The following KCNJ6 variants were observed in gnomAD, a reference collection of about 807,000 sequenced individuals.
The protein encoded by KCNJ6 is G protein-activated inward rectifier potassium channel 2.
A neutral mutation model predicts 34.2 loss-of-function variants in KCNJ6; 9 were observed. That is an observed-to-expected ratio of 0.26 (90% CI 0.16 to 0.46). KCNJ6 has a LOEUF of 0.46. Ranked by LOEUF, KCNJ6 falls within the 20% of genes least tolerant of loss-of-function variation. The pLI, the probability that KCNJ6 is intolerant of heterozygous loss-of-function variation, is 1.00. For missense variants in KCNJ6, 236 were observed against 531.3 expected (o/e 0.44, Z 5.46); for synonymous variants, 196 against 207.1 (o/e 0.95, Z 0.46).
chr21:37,749,585 A>T (rs1349406095), intron 2 of KCNJ6, among the ~76,000 whole-genome samples: 1 of 152,168 alleles, frequency 6.6e-6, no homozygotes, highest in Non-Finnish European at 1.5e-5. Context: ...CCTTTCCAAG[A>T]GGATTTAGAC....
chr21:37,902,015 G>A (rs935835738), intron 1 of KCNJ6, among the ~76,000 whole-genome samples: 1 of 152,088 alleles, frequency 6.6e-6, no homozygotes, highest in Admixed American at 6.6e-5. Context: ...TCATCTAATA[G>A]AGCTCAGTGT....
At chr21:37,629,241 T>C (rs1378579835) in intron 3 of KCNJ6, among the ~76,000 whole-genome samples, 1 of 152,226 alleles carries the variant, frequency 6.6e-6, no homozygotes, top group Non-Finnish European at 1.5e-5. Context: ...ATGGCAATTA[T>C]ACTATTCCAT....
At chr21:37,790,209 G>C (rs575080171) in intron 2 of KCNJ6, among the ~76,000 whole-genome samples, 1 of 152,242 alleles carries the variant, frequency 6.6e-6, no homozygotes, top group Admixed American at 6.5e-5. Context: ...TGGGGCACAG[G>C]GTTGCAACAC....
At chr21:37,656,814 G>C (rs886929820) in intron 3 of KCNJ6, among the ~76,000 whole-genome samples, 1 of 152,196 alleles carries the variant, frequency 6.6e-6, no homozygotes, top group Admixed American at 6.5e-5. Flanking sequence ...AGGGGAGGCT[G>C]CTTTTGTTTA....
chr21:37,671,201 G>T (rs1050652781), intron 3 of KCNJ6, among the ~76,000 whole-genome samples: 3 of 152,082 alleles, frequency 2.0e-5, no homozygotes, highest in Admixed American at 1.3e-4. Flanking sequence ...TGAGACTTTC[G>T]GTCCCACCCC....
intron 3 of KCNJ6, among the ~76,000 whole-genome samples, chr21:37,647,059 T>A (rs1299891866): frequency 1.3e-5 from 2 of 152,128 alleles, no homozygotes; most frequent in African/African-American, 4.8e-5. Flanking sequence ...CGGGGAGGGA[T>A]GGAGCCCTTT....
chr21:37,766,303 C>T (rs1381549597), intron 2 of KCNJ6, among the ~76,000 whole-genome samples: 1 of 152,150 alleles, frequency 6.6e-6, no homozygotes, highest in Non-Finnish European at 1.5e-5. Context: ...ATATCCACTC[C>T]AGAGTCCTGT....
Position 37,667,186 on chromosome 21 carries a change from T to TAAAAAAA in KCNJ6, c.947-41703_947-41702insTTTTTTT, listed in dbSNP as rs1569441641. On this transcript the variant is annotated intron_variant, in intron 3 of 3. Transcript: ENST00000609713. Reference sequence around the variant, plus strand: ...AAAAAAAAAAAAAAAAAAAAAAAATTAAATGAGGCAACGCAGGCAAAGTGT... The same window carrying TAAAAAAA: ...AAAAAAAAAAAAAAAAAAAAAAAATTAAAAAAAAAATGAGGCAACGCAGGCAAAGTGT... Among the ~76,000 whole-genome samples the TAAAAAAA allele has an allele frequency of 5.5e-3, 472 of 86,556 alleles. 2 individuals are homozygous for TAAAAAAA. The highest frequency in any genetic ancestry group is 6.6e-3 in the Non-Finnish European group (300 of 45,318). 56.8% of individuals were successfully genotyped at this position (86,556 alleles called of 152,430 possible). A position where few individuals can be genotyped will look rare whatever the true frequency, so the allele number is the denominator to read the frequency against.
At chr21:37,800,090 C>T (rs2055262008) in intron 2 of KCNJ6, among the ~76,000 whole-genome samples, 1 of 152,144 alleles carries the variant, frequency 6.6e-6, no homozygotes. Flanking sequence ...CTATAATTCT[C>T]AGCTAAAGTC....
intron 2 of KCNJ6, among the ~76,000 whole-genome samples, chr21:37,772,064 T>G (rs2055120286): frequency 6.6e-6 from 1 of 152,194 alleles, no homozygotes; most frequent in Non-Finnish European, 1.5e-5. Flanking sequence ...TAAATAAAAT[T>G]ATCTCATCTG....
At chr21:37,867,376 T>C (rs986595313) in intron 1 of KCNJ6, among the ~76,000 whole-genome samples, 2 of 152,188 alleles carry the variant, frequency 1.3e-5, no homozygotes, top group African/African-American at 4.8e-5. Context: ...GAAAGCCCCA[T>C]GCAGCCAAGC....
At chr21:37,834,077 C>CAGG (rs906184839) in intron 2 of KCNJ6, among the ~76,000 whole-genome samples, 2 of 152,308 alleles carry the variant, frequency 1.3e-5, no homozygotes, top group African/African-American at 4.8e-5. Context: ...CAGAGCCTCT[C>CAGG]AGCTCATGTG....
At chr21:37,891,093 G>A (rs919024614) in intron 1 of KCNJ6, among the ~76,000 whole-genome samples, 1 of 152,202 alleles carries the variant, frequency 6.6e-6, no homozygotes, top group Non-Finnish European at 1.5e-5. Context: ...TCAGAAAGGT[G>A]AGTGACAGAA....
Position 37,615,244 on chromosome 21 carries a change from C to CTTTTTTTTTTTTTTTTT in KCNJ6, c.*9898_*9914dup, listed in dbSNP as rs1156939747. 2 of 98,890 alleles carry CTTTTTTTTTTTTTTTTT rather than the reference C, an allele frequency of 2.0e-5. No homozygotes were observed. The highest frequency in any genetic ancestry group is 7.9e-5 in the African/African-American group (2 of 25,164). 6.1% of individuals were successfully genotyped at this position (98,890 alleles called of 1,614,324 possible). On this transcript the variant is annotated 3_prime_UTR_variant, in exon 4 of 4. Coordinates refer to ENST00000609713, the MANE Select transcript of KCNJ6 (RefSeq NM_002240.5). ...ACCCTCGACTGACATTCCCAGCATT[C>CTTTTTTTTTTTTTTTTT]TTTTTTTTTTTTTTTTTTTTTTTTT...
At chr21:37,732,444 G>A (rs2123469001) in intron 2 of KCNJ6, among the ~76,000 whole-genome samples, 1 of 152,360 alleles carries the variant, frequency 6.6e-6, no homozygotes, top group South Asian at 2.1e-4. Context: ...TAAGACACAA[G>A]TCGCCCTCTC....
chr21:37,810,077 T>C (rs1376285465), intron 2 of KCNJ6, among the ~76,000 whole-genome samples: 1 of 152,166 alleles, frequency 6.6e-6, no homozygotes, highest in Non-Finnish European at 1.5e-5. Flanking sequence ...GAAATAACAA[T>C]GTAACATTTT....
intron 1 of KCNJ6, among the ~76,000 whole-genome samples, chr21:37,860,874 G>T (rs986159550): frequency 1.7e-5 from 2 of 115,774 alleles, no homozygotes; most frequent in Non-Finnish European, 3.6e-5. Context: ...CGTCTTCATT[G>T]TGTATGTGGG....
At chr21:37,760,619 G>C (rs1304182466) in intron 2 of KCNJ6, among the ~76,000 whole-genome samples, 3 of 152,220 alleles carry the variant, frequency 2.0e-5, no homozygotes, top group Non-Finnish European at 4.4e-5. Context: ...CAGCTGTCAC[G>C]AGCCAGTACC....
At chr21:37,819,719 T>C (rs1294218232) in intron 2 of KCNJ6, among the ~76,000 whole-genome samples, 1 of 152,182 alleles carries the variant, frequency 6.6e-6, no homozygotes, top group Non-Finnish European at 1.5e-5. Context: ...TTATTTTCAT[T>C]ATAGATTAAC....
Sources: allele counts gnomAD v4.1 joint callset (sites outside exome capture counted in the v4.1 genomes callset), GRCh38; gene constraint gnomAD v4.1.1; transcripts MANE v1.5; gene names NCBI Gene and HGNC (gene_info 2026-07-23, HGNC 2026-07-21).